CABP1: variants seen among roughly 807,000 people sequenced by gnomAD.
The protein encoded by CABP1 is calcium-binding protein 1.
In CABP1, 17 loss-of-function variants were observed where a neutral mutation model predicts 34.3. The ratio of observed to expected loss-of-function variants is 0.50; its 90% CI spans 0.34 to 0.74. The LOEUF is 0.74. Among genes scored for constraint, CABP1 ranks in the 30% least tolerant of loss-of-function variants. The pLI, the probability that CABP1 is intolerant of heterozygous loss-of-function variation, is 0.01. For missense variants in CABP1, 373 were observed against 511.1 expected (o/e 0.73, Z 2.61); for synonymous variants, 198 against 229.2 (o/e 0.86, Z 1.23).
chr12:120,675,585 C>A, the CABP1 span, among the ~76,000 whole-genome samples: 1 of 152,182 alleles, frequency 6.6e-6, no homozygotes, highest in Non-Finnish European at 1.5e-5. Context: ...CAGAAGTCAC[C>A]ACCACAGCTC....
At chr12:120,653,077 C>G (rs1200492185) in intron 1 of CABP1, among the ~76,000 whole-genome samples, 1 of 152,150 alleles carries the variant, frequency 6.6e-6, no homozygotes, top group African/African-American at 2.4e-5. Flanking sequence ...TGGAAATTCC[C>G]CAGCTACCAC....
chr12:120,652,370 T>C (rs1447334471), intron 1 of CABP1, among the ~76,000 whole-genome samples: 2 of 152,182 alleles, frequency 1.3e-5, no homozygotes, highest in African/African-American at 4.8e-5. Context: ...TTGCTTTTTT[T>C]TTTTTCTAAA....
chr12:120,659,686 C>T (rs1880500822), intron 1 of CABP1, 192 bp from the exon 2 acceptor site: 2 of 531,178 alleles, frequency 3.8e-6, no homozygotes, highest in African/African-American at 3.9e-5. Flanking sequence ...TGTTAGGGGC[C>T]CAGGAGCTTC....
the CABP1 span, among the ~76,000 whole-genome samples, chr12:120,674,835 G>A: frequency 1.3e-5 from 2 of 151,324 alleles, no homozygotes; most frequent in African/African-American, 2.4e-5. Flanking sequence ...AGGTTGCAGT[G>A]AGCCAAGATC....
At chr12:120,646,549 C>G (rs1322144591) in intron 1 of CABP1, among the ~76,000 whole-genome samples, 1 of 152,186 alleles carries the variant, frequency 6.6e-6, no homozygotes, top group African/African-American at 2.4e-5. Context: ...AGGTCTTGCT[C>G]TGTCACCCAG....
chr12:120,641,093 T>C lies in CABP1; in HGVS notation c.408T>C (p.Arg136=). The part of the protein sequence containing the change: ...PREEGARGSQ[R]VLPQAHCRPR... ...AGGAGGGCGCGCGGGGGAGCCAGCGTGTGCTCCCCCAGGCGCACTGCAGGC... is the reference window on the plus strand; with the variant it reads ...AGGAGGGCGCGCGGGGGAGCCAGCGCGTGCTCCCCCAGGCGCACTGCAGGC... The change falls in exon 1 of 6, where the codon CGT becomes CGC. Residue 136 remains arginine, a synonymous_variant. Transcript: ENST00000316803. The surrounding 1 kb of genome is among the most constrained non-coding windows in gnomAD (Gnocchi z 6.7). 2 of 1,203,388 alleles carry C rather than the reference T, an allele frequency of 1.7e-6. No individual in the cohort carries two copies. Among genetic ancestry groups the C allele is most frequent in the Non-Finnish European group, 2.1e-6 (2 of 969,968 alleles). 74.5% of individuals were successfully genotyped at this position (1,203,388 alleles called of 1,614,324 possible).
chr12:120,650,564 A>G lies in CABP1; in HGVS notation c.654+9225A>G. 2.5e-6 allele frequency: 4 copies of G among 1,611,156 alleles called. No homozygotes were observed. The South Asian group carries it at 4.4e-5, about 18-fold the overall frequency. On this transcript the variant is annotated intron_variant, in intron 1 of 5. Transcript: ENST00000316803. Reference sequence around the variant, plus strand: ...GAGGCTGGGGTTGGCAGAGACTGGGACGGAAGTCCCTCAGTCCCCCAGGAG... The same window carrying G: ...GAGGCTGGGGTTGGCAGAGACTGGGGCGGAAGTCCCTCAGTCCCCCAGGAG...
At chr12:120,671,153 C>G (rs1296710009), downstream of CABP1, among the ~76,000 whole-genome samples, 1 of 152,196 alleles carries the variant, frequency 6.6e-6, no homozygotes, top group Non-Finnish European at 1.5e-5. Context: ...TGCCTGCAAT[C>G]CCAGCACTTC....
In CABP1 at chr12:120,645,286, A is replaced by G. The variant is rs186671020; in HGVS notation, c.654+3947A>G. Among the ~76,000 whole-genome samples, 476 of 152,018 alleles carry G rather than the reference A, an allele frequency of 3.1e-3. 3 individuals are homozygous for G. The highest frequency in any genetic ancestry group is 0.011 in the African/African-American group (462 of 41,438). ...TATAGGCTTTCTCTGGGGCCTGGGG[A>G]GAGGGAAAGTGAGGGTCAGCTTGTG... On this transcript the variant is annotated intron_variant, in intron 1 of 5. Coordinates refer to ENST00000316803, the MANE Select transcript of CABP1 (RefSeq NM_001033677.2).
the CABP1 span, among the ~76,000 whole-genome samples, chr12:120,678,642 C>T: frequency 1.3e-3 from 192 of 152,232 alleles, no homozygotes; most frequent in African/African-American, 4.4e-3. Context: ...AGAGGAGAAA[C>T]GACTTTCCAA....
intron 1 of CABP1, among the ~76,000 whole-genome samples, chr12:120,642,838 G>A (rs979130624): frequency 1.3e-5 from 2 of 151,802 alleles, no homozygotes; most frequent in African/African-American, 4.8e-5. Flanking sequence ...AGTTCCTGTG[G>A]TTTGTTTGTT....
In CABP1 at chr12:120,641,183, C is replaced by G. The variant is rs111881533; in HGVS notation, c.498C>G (p.Arg166=). The G allele has an allele frequency of 8.1e-7, 1 of 1,241,590 alleles. No homozygotes were observed. The highest frequency in any genetic ancestry group is 1.0e-6 in the Non-Finnish European group (1 of 995,408). 76.9% of individuals were successfully genotyped at this position (1,241,590 alleles called of 1,614,324 possible). The change falls in exon 1 of 6, where the codon CGC becomes CGG. Residue 166 remains arginine (R), a synonymous_variant. Transcript: ENST00000316803. This position sits in a 1 kb window ranked among gnomAD's most constrained non-coding sequence, Gnocchi z 6.7. The part of the protein sequence containing the change: ...PSPSSPLPPA[R]GRDGEERGLS... ...CGTCGTCGCCGCTGCCGCCGGCCCGCGGGCGGGATGGGGAGGAACGGGGAC... is the reference window on the plus strand; with the variant it reads ...CGTCGTCGCCGCTGCCGCCGGCCCGGGGGCGGGATGGGGAGGAACGGGGAC...
In CABP1 at chr12:120,663,221, A is replaced by G. The variant is rs11065198; in HGVS notation, c.1087+2003A>G. ...AAAGAAGAACCCTATTTTCTTAATC[A>G]CTGCATTTCTTGCATAACACAGCTA... On this transcript the variant is annotated intron_variant, in intron 5 of 5. Transcript: ENST00000316803. 0.02 allele frequency among the ~76,000 whole-genome samples: 3,065 copies of G among 152,234 alleles called. 203 individuals carry two copies. In the East Asian group the frequency reaches 0.25, roughly 12 times the overall value.
downstream of CABP1, among the ~76,000 whole-genome samples, chr12:120,670,911 C>T (rs182988384): frequency 9.2e-5 from 14 of 152,274 alleles, no homozygotes; most frequent in Admixed American, 7.9e-4. Context: ...GACTTCCTGT[C>T]CTCAAGGAGT....
Position 120,641,552 on chromosome 12 carries a change from T to C in CABP1, c.654+213T>C. The C allele has an allele frequency of 4.5e-6, 2 of 444,474 alleles. No individual in the cohort carries two copies. The highest frequency in any genetic ancestry group is 3.6e-5 in the East Asian group (1 of 27,492). 27.5% of individuals were successfully genotyped at this position (444,474 alleles called of 1,614,324 possible). On this transcript the variant is annotated intron_variant, in intron 1 of 5. Transcript: ENST00000316803. This position sits in a 1 kb window ranked among gnomAD's most constrained non-coding sequence, Gnocchi z 6.7. Reference sequence around the variant, plus strand: ...GTGCGCTGTCCACGCTCCGGGCCTCTTGGGGCAAGGCCCTCCCCGCTAGCC... The same window carrying C: ...GTGCGCTGTCCACGCTCCGGGCCTCCTGGGGCAAGGCCCTCCCCGCTAGCC...
At chr12:120,655,830 C>A in intron 1 of CABP1, 1 of 879,634 alleles carries the variant, frequency 1.1e-6, no homozygotes, top group Non-Finnish European at 1.3e-6. Flanking sequence ...TGCGTGCGTG[C>A]GTGTGTGTGT....
At chr12:120,666,495 A>T (rs997619386) in intron 5 of CABP1, among the ~76,000 whole-genome samples, 5 of 134,232 alleles carry the variant, frequency 3.7e-5, no homozygotes, top group Admixed American at 1.5e-4. Context: ...AAAAAAAAAA[A>T]TGCTGAGAGG....
intron 1 of CABP1, chr12:120,656,201 G>A (rs202143699): frequency 5.6e-6 from 9 of 1,610,650 alleles, no homozygotes; most frequent in East Asian, 2.2e-5. Context: ...CCAGAACTGC[G>A]CAGTCATGCA....
the CABP1 span, among the ~76,000 whole-genome samples, chr12:120,672,617 A>G: frequency 6.6e-6 from 1 of 151,762 alleles, no homozygotes; most frequent in Non-Finnish European, 1.5e-5. Context: ...AAAAAAAAAA[A>G]AAGTGAACTT....
Sources: gnomAD v4.1 joint callset for allele counts (sites outside exome capture counted in the v4.1 genomes callset) on GRCh38, gnomAD v4.1.1 for gene constraint, Gnocchi (gnomAD v3.1) non-coding constraint, MANE v1.5 for transcripts, NCBI Gene and HGNC (gene_info 2026-07-23, HGNC 2026-07-21) for gene names.